ZFR: variants seen among roughly 807,000 people sequenced by gnomAD.
The protein encoded by ZFR is zinc finger RNA-binding protein.
ZFR carries 19 observed loss-of-function variants against 130.7 expected under a neutral mutation model. The ratio of observed to expected loss-of-function variants is 0.15; its 90% CI spans 0.10 to 0.21. ZFR has a LOEUF of 0.21. Among genes scored for constraint, ZFR ranks in the 10% least tolerant of loss-of-function variants. The probability of loss-of-function intolerance (pLI) is 1.00; values close to 1 mark genes in which losing one functional copy is unlikely to be tolerated. For synonymous variants in ZFR, 466 were observed against 456.9 expected, an observed-to-expected ratio of 1.02 and a Z score of -0.25; for missense variants, 872 against 1,321.5, an observed-to-expected ratio of 0.66 and a Z score of 5.27.
chr5:32,377,839 C>A (rs929528500), intron 17 of ZFR, among the ~76,000 whole-genome samples: 2 of 151,954 alleles, frequency 1.3e-5, no homozygotes, highest in Non-Finnish European at 2.9e-5. Flanking sequence ...TTACAGGTGC[C>A]CGCCACCATG....
At chr5:32,416,704 A>G (rs1436240133) in intron 4 of ZFR, among the ~76,000 whole-genome samples, 2 of 152,106 alleles carry the variant, frequency 1.3e-5, no homozygotes, top group Non-Finnish European at 1.5e-5. Flanking sequence ...GGGACTCATA[A>G]AATCTTACAA....
intron 12 of ZFR, among the ~76,000 whole-genome samples, 167 bp from the exon 13 acceptor site, chr5:32,388,841 C>T (rs777159901): frequency 7.2e-5 from 11 of 152,168 alleles, no homozygotes; most frequent in Non-Finnish European, 1.5e-4. Context: ...GTTATACCAT[C>T]AAGACTATAT....
chr5:32,432,258 C>T (rs1754242150), intron 2 of ZFR, among the ~76,000 whole-genome samples: 1 of 152,038 alleles, frequency 6.6e-6, no homozygotes, highest in South Asian at 2.1e-4. Flanking sequence ...CAAAGTTGAA[C>T]AGTTAGTTGT....
In ZFR at chr5:32,406,764, A is replaced by C. The variant is rs1484486219; in HGVS notation, c.1032+10T>G. ...CTGAAGACTCAAGGTAAAACATACA[A>C]CGTAAGTACCTGTGGTCCAGCACAG... On this transcript the variant is annotated intron_variant, in intron 6 of 19. Coordinates refer to ENST00000265069, the MANE Select transcript of ZFR (RefSeq NM_016107.5). The C allele has an allele frequency of 6.2e-7, 1 of 1,604,422 alleles. No individual in the cohort carries two copies. Among genetic ancestry groups the C allele is most frequent in the East Asian group, 2.2e-5 (1 of 44,852 alleles).
intron 5 of ZFR, among the ~76,000 whole-genome samples, chr5:32,414,535 C>T (rs1753777416): frequency 1.3e-5 from 2 of 152,192 alleles, no homozygotes; most frequent in South Asian, 4.1e-4. Context: ...AAAGGGCTAC[C>T]CAACATTTCC....
At position 32,407,718 on chromosome 5, in the gene ZFR, A is replaced by C. The variant is rs536679395; in HGVS notation, c.785-697T>G. Among the ~76,000 whole-genome samples, 11 of 152,322 alleles carry C rather than the reference A, an allele frequency of 7.2e-5. No homozygotes were observed. In the East Asian group the frequency reaches 2.1e-3, roughly 29 times the overall value. On this transcript the variant is annotated intron_variant, in intron 5 of 19. Transcript: ENST00000265069. ...CCAATACATTGGTTCTCATCTTCCAAAAGATGAAAAAGCATTGTGTTTTCT... is the reference window on the plus strand; with the variant it reads ...CCAATACATTGGTTCTCATCTTCCACAAGATGAAAAAGCATTGTGTTTTCT...
chr5:32,366,082 C>T (rs1752540882), intron 17 of ZFR, among the ~76,000 whole-genome samples: 2 of 152,096 alleles, frequency 1.3e-5, no homozygotes, highest in South Asian at 4.1e-4. Context: ...CATCTTGAAC[C>T]CACTTGCCTA....
chr5:32,360,258 C>T (rs757041258), intron 19 of ZFR, among the ~76,000 whole-genome samples: 1 of 152,082 alleles, frequency 6.6e-6, no homozygotes, highest in Non-Finnish European at 1.5e-5. Context: ...AAAATATACA[C>T]CTTTAAAATG....
At chr5:32,373,960 A>T (rs1752737301) in intron 17 of ZFR, among the ~76,000 whole-genome samples, 1 of 152,160 alleles carries the variant, frequency 6.6e-6, no homozygotes, top group Admixed American at 6.5e-5. Flanking sequence ...CCCTCAAAGA[A>T]GAACACACCC....
intron 2 of ZFR, among the ~76,000 whole-genome samples, chr5:32,431,087 C>G (rs1561923512): frequency 6.6e-6 from 1 of 152,090 alleles, no homozygotes; most frequent in Admixed American, 6.6e-5. Flanking sequence ...AAAACGAAAG[C>G]AAGAGGAAAA....
chr5:32,411,707 T>G (rs59545247), intron 5 of ZFR, among the ~76,000 whole-genome samples: 29,640 of 43,052 alleles, frequency 0.69, 10,146 homozygotes, highest in African/African-American at 0.75. Context: ...AAAAAAAAAT[T>G]GAGGGGGGGC....
chr5:32,426,904 G>GAAAAA (rs373216038), intron 2 of ZFR, among the ~76,000 whole-genome samples: 63 of 132,964 alleles, frequency 4.7e-4, no homozygotes, highest in South Asian at 1.7e-3. Context: ...CACTCTTTCT[G>GAAAAA]AAAAAAAAAA....
chr5:32,390,694 T>C, intron 11 of ZFR, among the ~76,000 whole-genome samples: 1 of 152,126 alleles, frequency 6.6e-6, no homozygotes, highest in Admixed American at 6.5e-5. Context: ...TTCTTACCTC[T>C]CTCCTGCTTT....
rs746385514 is a variant in ZFR at position 32,359,672 on chromosome 5, C to T, written c.3046-3733G>A. ...ATGATTAGGAAAGAAAATCCTTGAC[C>T]GGGTGCGGTGGCTCACGCCTGTAAT... On this transcript the variant is annotated intron_variant, in intron 19 of 19. Transcript: ENST00000265069. Among the ~76,000 whole-genome samples, 55 of 152,152 alleles carry T rather than the reference C, an allele frequency of 3.6e-4. 2 individuals are homozygous for T. Among genetic ancestry groups the T allele is most frequent in the Non-Finnish European group, 2.1e-4 (14 of 68,020 alleles).
chr5:32,383,472 T>C (rs1752976873), intron 15 of ZFR, among the ~76,000 whole-genome samples: 1 of 152,250 alleles, frequency 6.6e-6, no homozygotes, highest in Non-Finnish European at 1.5e-5. Flanking sequence ...AATGTTTACT[T>C]AATGTTTAAC....
At chr5:32,372,803 C>G (rs9292460) in intron 17 of ZFR, among the ~76,000 whole-genome samples, 93,511 of 151,882 alleles carry the variant, frequency 0.62, 29,218 homozygotes, top group African/African-American at 0.71. Flanking sequence ...CCACTGCACT[C>G]TAGTCTGGGC....
intron 2 of ZFR, among the ~76,000 whole-genome samples, chr5:32,438,404 C>T (rs1754390721): frequency 6.6e-6 from 1 of 151,874 alleles, no homozygotes; most frequent in Non-Finnish European, 1.5e-5. Flanking sequence ...GCTGGGATTA[C>T]AGGCATGCAC....
At chr5:32,424,421 C>A (rs1754025173) in intron 2 of ZFR, among the ~76,000 whole-genome samples, 1 of 151,814 alleles carries the variant, frequency 6.6e-6, no homozygotes, top group Admixed American at 6.6e-5. Flanking sequence ...GTCCCGGCTA[C>A]TCGGGAGGTT....
intron 4 of ZFR, among the ~76,000 whole-genome samples, chr5:32,415,661 T>C (rs1292619589): frequency 2.0e-5 from 3 of 152,194 alleles, no homozygotes; most frequent in African/African-American, 7.2e-5. Flanking sequence ...ATACCATTCA[T>C]TGCATTTTAA....
Sources: allele counts gnomAD v4.1 joint callset (sites outside exome capture counted in the v4.1 genomes callset), GRCh38; gene constraint gnomAD v4.1.1; transcripts MANE v1.5; gene names NCBI Gene and HGNC (gene_info 2026-07-23, HGNC 2026-07-21).